SGCZ: variants seen among roughly 807,000 people sequenced by gnomAD.
SGCZ encodes zeta-sarcoglycan.
A neutral mutation model predicts 41.3 loss-of-function variants in SGCZ; 40 were observed. The observed-to-expected ratio is 0.97, with a 90% CI of 0.75 to 1.26. SGCZ has a LOEUF of 1.26. Among genes scored for constraint, SGCZ ranks in the 50% most tolerant of loss-of-function variants. The pLI is 0.00. For missense variants in SGCZ, 552 were observed against 369.8 expected (o/e 1.49, Z -4.04); for synonymous variants, 206 against 137.5 (o/e 1.50, Z -3.49).
intron 3 of SGCZ, among the ~76,000 whole-genome samples, chr8:14,254,410 C>A (rs1056113048): frequency 6.6e-6 from 1 of 152,190 alleles, no homozygotes; most frequent in African/African-American, 2.4e-5. Flanking sequence ...GGCACTGAGG[C>A]CTGCCTCACC....
chr8:15,018,659 G>A (rs1382882285), intron 1 of SGCZ, among the ~76,000 whole-genome samples: 2 of 152,124 alleles, frequency 1.3e-5, no homozygotes, highest in Non-Finnish European at 2.9e-5. Flanking sequence ...AAGTGATGAA[G>A]GCAAAGGTGA....
chr8:14,861,285 A>T (rs544527487), intron 1 of SGCZ, among the ~76,000 whole-genome samples: 1 of 152,278 alleles, frequency 6.6e-6, no homozygotes, highest in African/African-American at 2.4e-5. Flanking sequence ...AAAGAAGAAC[A>T]TGGAAAGAGT....
intron 2 of SGCZ, among the ~76,000 whole-genome samples, chr8:14,513,318 A>G (rs890677185): frequency 1.3e-5 from 2 of 152,118 alleles, no homozygotes; most frequent in Non-Finnish European, 2.9e-5. Context: ...AATTACAAGC[A>G]TGAGCCACAG....
chr8:14,610,192 A>T (rs1236791538), intron 1 of SGCZ, among the ~76,000 whole-genome samples: 1 of 152,134 alleles, frequency 6.6e-6, no homozygotes, highest in Admixed American at 6.5e-5. Context: ...GCCCCAACCT[A>T]TATTACATTG....
chr8:14,556,352 TTA>T (rs1458636215), intron 1 of SGCZ, among the ~76,000 whole-genome samples: 2 of 151,772 alleles, frequency 1.3e-5, no homozygotes, highest in East Asian at 1.9e-4. Flanking sequence ...AGTAATTAAA[TTA>T]TATGTTAAGT....
At chr8:14,453,982 A>T (rs1281990469) in intron 2 of SGCZ, among the ~76,000 whole-genome samples, 1 of 150,258 alleles carries the variant, frequency 6.7e-6, no homozygotes, top group Admixed American at 6.7e-5. Flanking sequence ...CACATTAATG[A>T]CAGTGACACA....
chr8:15,153,938 C>A (rs541666271), intron 1 of SGCZ, among the ~76,000 whole-genome samples: 101 of 152,272 alleles, frequency 6.6e-4, no homozygotes, highest in Middle Eastern at 3.4e-3. Context: ...GTGAGAACTA[C>A]TCCACCTCAG....
At chr8:14,875,151 G>T (rs956589166) in intron 1 of SGCZ, among the ~76,000 whole-genome samples, 2 of 152,142 alleles carry the variant, frequency 1.3e-5, no homozygotes, top group Admixed American at 1.3e-4. Context: ...GTAGGTTTTG[G>T]TAAAGGCCTC....
chr8:14,787,821 G>C (rs906334787), intron 1 of SGCZ, among the ~76,000 whole-genome samples: 1 of 151,792 alleles, frequency 6.6e-6, no homozygotes, highest in Non-Finnish European at 1.5e-5. Flanking sequence ...ACTCCAGCCT[G>C]GACAACAACA....
intron 1 of SGCZ, among the ~76,000 whole-genome samples, chr8:14,772,966 T>C (rs1050462796): frequency 2.6e-5 from 4 of 152,106 alleles, no homozygotes; most frequent in Admixed American, 6.6e-5. Context: ...CTGGGTCAAA[T>C]GGCATCTCTA....
In SGCZ at chr8:14,242,423, C is replaced by G. The variant is rs530940579; in HGVS notation, c.337-4744G>C. Among the ~76,000 whole-genome samples, 6 of 152,214 alleles carry G rather than the reference C, an allele frequency of 3.9e-5. No individual in the cohort carries two copies. In the South Asian group the frequency reaches 8.3e-4, roughly 21 times the overall value. On this transcript the variant is annotated intron_variant, in intron 3 of 7. Coordinates refer to ENST00000382080, the MANE Select transcript of SGCZ (RefSeq NM_139167.4). ...CATGATTGTAAGACAGACAGGGGAC[C>G]CTGACCATTTGAGTTCAAGCCCAAA...
chr8:14,924,289 T>A (rs2061980), intron 1 of SGCZ, among the ~76,000 whole-genome samples: 5,215 of 152,276 alleles, frequency 0.034, 293 homozygotes, highest in African/African-American at 0.12. Context: ...AGAAATGAAG[T>A]TTTTCACTCC....
At chr8:14,257,340 C>T (rs962907662) in intron 3 of SGCZ, among the ~76,000 whole-genome samples, 2 of 143,620 alleles carry the variant, frequency 1.4e-5, no homozygotes, top group South Asian at 2.2e-4. Context: ...GAGTGAGACC[C>T]TGTCTCCAGA....
At chr8:14,309,762 T>C (rs749748253) in intron 3 of SGCZ, 102 of 1,548,390 alleles carry the variant, frequency 6.6e-5, no homozygotes, top group Middle Eastern at 2.3e-4. Flanking sequence ...AAAAGCAGAG[T>C]GGACTGCATT....
At chr8:14,292,398 C>T (rs1455706374) in intron 3 of SGCZ, among the ~76,000 whole-genome samples, 1 of 151,882 alleles carries the variant, frequency 6.6e-6, no homozygotes, top group Non-Finnish European at 1.5e-5. Flanking sequence ...AATGATGCCT[C>T]AGGTAAAATT....
At chr8:14,263,542 C>G (rs1799753712) in intron 3 of SGCZ, among the ~76,000 whole-genome samples, 2 of 152,002 alleles carry the variant, frequency 1.3e-5, no homozygotes, top group South Asian at 2.1e-4. Context: ...AAATGAGATT[C>G]TGTCTCAAAA....
At chr8:15,155,484 T>C (rs1799302386) in intron 1 of SGCZ, among the ~76,000 whole-genome samples, 1 of 152,174 alleles carries the variant, frequency 6.6e-6, no homozygotes, top group Non-Finnish European at 1.5e-5. Context: ...ATTTTTAGTA[T>C]TCTAGAAAAT....
At chr8:14,651,981 T>C (rs1807415527) in intron 1 of SGCZ, among the ~76,000 whole-genome samples, 3 of 152,124 alleles carry the variant, frequency 2.0e-5, no homozygotes, top group South Asian at 4.1e-4. Flanking sequence ...ACGGGTCTCC[T>C]ACTACCAGCT....
intron 3 of SGCZ, among the ~76,000 whole-genome samples, chr8:14,308,701 C>A (rs1038414375): frequency 6.6e-6 from 1 of 152,020 alleles, no homozygotes; most frequent in Non-Finnish European, 1.5e-5. Flanking sequence ...TATGAAGATA[C>A]CGTGTGTTTC....
Sources: allele counts gnomAD v4.1 joint callset (sites outside exome capture counted in the v4.1 genomes callset), GRCh38; gene constraint gnomAD v4.1.1; transcripts MANE v1.5; gene names NCBI Gene and HGNC (gene_info 2026-07-23, HGNC 2026-07-21).